Variants in NRXN3 observed in about 807,000 individuals in gnomAD.
The protein encoded by NRXN3 is neurexin III.
NRXN3 carries 32 observed loss-of-function variants against 137.6 expected under a neutral mutation model. The observed-to-expected ratio is 0.23, with a 90% CI of 0.18 to 0.31. NRXN3 has a LOEUF of 0.31. Among genes scored for constraint, NRXN3 ranks in the 10% least tolerant of loss-of-function variants. NRXN3 has a pLI of 1.00. For missense variants in NRXN3, 1,574 were observed against 2,062.5 expected (o/e 0.76, Z 4.59); for synonymous variants, 798 against 784.5 (o/e 1.02, Z -0.29).
chr14:79,376,383 A>G (rs1391590308), intron 15 of NRXN3, among the ~76,000 whole-genome samples: 1 of 151,482 alleles, frequency 6.6e-6, no homozygotes, highest in Non-Finnish European at 1.5e-5. Context: ...TTTTGTTGGT[A>G]CAATTGGATT....
chr14:78,737,144 T>TCTA (rs1262254087), intron 8 of NRXN3, among the ~76,000 whole-genome samples: 2 of 152,202 alleles, frequency 1.3e-5, no homozygotes, highest in African/African-American at 4.8e-5. Context: ...TATCTGCTTG[T>TCTA]CTACCTACCG....
chr14:78,596,597 T>C (rs565846403), intron 4 of NRXN3, among the ~76,000 whole-genome samples: 1 of 152,290 alleles, frequency 6.6e-6, no homozygotes, highest in Non-Finnish European at 1.5e-5. Context: ...ACAACACCAA[T>C]TTGCTGAACC....
In NRXN3 at chr14:78,503,085, G is replaced by A. The variant is rs2095911485; in HGVS notation, c.758-142035G>A. Among the ~76,000 whole-genome samples the A allele has an allele frequency of 2.0e-5, 3 of 152,214 alleles. No individual in the cohort carries two copies. The South Asian group carries it at 6.2e-4, about 32-fold the overall frequency. ...ATCACTGGCAGAAATATGAGGATGG[G>A]TAAATGTCTACTGATAATTTAATAG... On this transcript the variant is annotated intron_variant, in intron 4 of 20. Transcript: ENST00000335750.
intron 15 of NRXN3, among the ~76,000 whole-genome samples, chr14:79,458,346 T>G (rs535594865): frequency 6.6e-6 from 1 of 152,200 alleles, no homozygotes; most frequent in Non-Finnish European, 1.5e-5. Flanking sequence ...TCATGAGAGA[T>G]GCTGTGAGCT....
intron 15 of NRXN3, among the ~76,000 whole-genome samples, chr14:79,308,527 A>G (rs1245767053): frequency 6.6e-6 from 1 of 152,138 alleles, no homozygotes; most frequent in Non-Finnish European, 1.5e-5. Context: ...AGTCAGATAT[A>G]TTTTTATAAA....
chr14:79,268,567 C>A lies in NRXN3; in HGVS notation c.3263-198654C>A, dbSNP rs116712549. 3.6e-3 allele frequency among the ~76,000 whole-genome samples: 551 copies of A among 152,252 alleles called. 5 individuals are homozygous for A. Among genetic ancestry groups the A allele is most frequent in the African/African-American group, 0.011 (471 of 41,544 alleles). ...GGCAAAGTTGGCTCATCACCTCATCCACATTCCAGAAAAGGGGCAAAGAGA... is the reference window on the plus strand; with the variant it reads ...GGCAAAGTTGGCTCATCACCTCATCAACATTCCAGAAAAGGGGCAAAGAGA... On this transcript the variant is annotated intron_variant, in intron 15 of 20. Coordinates refer to ENST00000335750, the MANE Select transcript of NRXN3 (RefSeq NM_001330195.2).
intron 15 of NRXN3, among the ~76,000 whole-genome samples, chr14:79,417,099 T>C (rs2095507767): frequency 6.6e-6 from 1 of 152,068 alleles, no homozygotes; most frequent in South Asian, 2.1e-4. Context: ...TGGAACAAGA[T>C]TCTTCGCTTC....
chr14:79,858,652 C>G (rs1302043038), intron 20 of NRXN3, among the ~76,000 whole-genome samples: 1 of 151,996 alleles, frequency 6.6e-6, no homozygotes, highest in Non-Finnish European at 1.5e-5. Flanking sequence ...AAAAAAAAAT[C>G]CTGCCTTGTC....
In NRXN3 at chr14:79,663,952, A is replaced by G. The variant is rs748862754; in HGVS notation, c.3616+3A>G. ...AGTGAATGAACATTATCCTACAGGTACATGTTGTTCGCTCAATGGTCCTAC... is the reference window on the plus strand; with the variant it reads ...AGTGAATGAACATTATCCTACAGGTGCATGTTGTTCGCTCAATGGTCCTAC... On this transcript the variant is annotated splice_donor_region_variant and intron_variant, in intron 17 of 20. Coordinates refer to ENST00000335750, the MANE Select transcript of NRXN3 (RefSeq NM_001330195.2). 6.2e-7 allele frequency: 1 copy of G among 1,613,112 alleles called. No homozygotes were observed. Among genetic ancestry groups the G allele is most frequent in the Non-Finnish European group, 8.5e-7 (1 of 1,179,364 alleles).
intron 10 of NRXN3, among the ~76,000 whole-genome samples, chr14:78,916,410 T>A (rs907280636): frequency 1.3e-5 from 2 of 152,134 alleles, no homozygotes; most frequent in Non-Finnish European, 2.9e-5. Flanking sequence ...TACTTTTAGA[T>A]GGTAGGTCAC....
At chr14:79,621,099 CA>C (rs774740859) in intron 16 of NRXN3, among the ~76,000 whole-genome samples, 13 of 152,072 alleles carry the variant, frequency 8.5e-5, no homozygotes, top group South Asian at 6.2e-4. Flanking sequence ...GTAATGTCAG[CA>C]TTAGTTTCCT....
intron 15 of NRXN3, among the ~76,000 whole-genome samples, chr14:79,004,004 G>A (rs907185130): frequency 9.9e-5 from 15 of 152,046 alleles, no homozygotes; most frequent in African/African-American, 3.1e-4. Context: ...AGAAAATTTA[G>A]CTATCTTAAA....
chr14:79,171,197 A>G (rs1323031313), intron 15 of NRXN3, among the ~76,000 whole-genome samples: 1 of 152,032 alleles, frequency 6.6e-6, no homozygotes, highest in African/African-American at 2.4e-5. Flanking sequence ...TTAAATCTTT[A>G]CACAAACTCA....
At chr14:79,647,707 A>G (rs981850751) in intron 16 of NRXN3, among the ~76,000 whole-genome samples, 3 of 135,552 alleles carry the variant, frequency 2.2e-5, no homozygotes, top group African/African-American at 7.4e-5. Context: ...GGCACTTCAG[A>G]TGTGTGTATG....
chr14:79,727,835 A>G (rs1354883259), intron 19 of NRXN3, among the ~76,000 whole-genome samples: 1 of 152,184 alleles, frequency 6.6e-6, no homozygotes, highest in East Asian at 1.9e-4. Flanking sequence ...TCCCCTTTTT[A>G]GAAGGAAATA....
chr14:78,215,514 A>G (rs1298311682), intron 1 of NRXN3, among the ~76,000 whole-genome samples: 1 of 152,134 alleles, frequency 6.6e-6, no homozygotes, highest in Non-Finnish European at 1.5e-5. Context: ...CTCCAGCTTG[A>G]AAGATTTGTT....
At chr14:78,409,516 A>C (rs1460207758) in intron 4 of NRXN3, among the ~76,000 whole-genome samples, 1 of 152,130 alleles carries the variant, frequency 6.6e-6, no homozygotes, top group Non-Finnish European at 1.5e-5. Context: ...CAAAATTATT[A>C]TCTCTCTCTC....
At chr14:78,725,705 G>A (rs546830550) in intron 8 of NRXN3, among the ~76,000 whole-genome samples, 32 of 152,226 alleles carry the variant, frequency 2.1e-4, no homozygotes, top group Admixed American at 1.4e-3. Flanking sequence ...CTCTTTTATC[G>A]GAGTTTACAC....
chr14:78,244,713 G>A (rs987575614), intron 2 of NRXN3, among the ~76,000 whole-genome samples: 1 of 152,142 alleles, frequency 6.6e-6, no homozygotes, highest in Non-Finnish European at 1.5e-5. Flanking sequence ...TCTCACATGA[G>A]GTACCTCTTT....
Sources: allele counts gnomAD v4.1 joint callset (sites outside exome capture counted in the v4.1 genomes callset), GRCh38; gene constraint gnomAD v4.1.1; transcripts MANE v1.5; gene names NCBI Gene and HGNC (gene_info 2026-07-23, HGNC 2026-07-21).